Variants in CLPTM1L observed in about 807,000 individuals in gnomAD.
CLPTM1L encodes the protein lipid scramblase CLPTM1L.
Under a neutral mutation model 70.9 loss-of-function variants are expected in CLPTM1L, and 38 were observed. That is an observed-to-expected ratio of 0.54 (90% CI 0.41 to 0.70). CLPTM1L has a LOEUF of 0.70. Ranked by LOEUF, CLPTM1L falls within the 30% of genes least tolerant of loss-of-function variation. The pLI, the probability that CLPTM1L is intolerant of heterozygous loss-of-function variation, is 0.00. For missense variants in CLPTM1L, 652 were observed against 705.9 expected, an observed-to-expected ratio of 0.92 and a Z score of 0.87; for synonymous variants, 339 against 299.9, an observed-to-expected ratio of 1.13 and a Z score of -1.35.
intron 10 of CLPTM1L, 70 bp from the exon 11 acceptor site, chr5:1,324,883 A>C: frequency 2.1e-6 from 3 of 1,418,208 alleles, no homozygotes; most frequent in Non-Finnish European, 3.0e-6. Flanking sequence ...AGCTGTGACT[A>C]AGGGGCGTCA....
At position 1,331,855 on chromosome 5, in the gene CLPTM1L, T is replaced by C; in HGVS notation, c.920A>G (p.Asn307Ser). Residue 307 changes from asparagine to serine, a missense_variant, in exon 8 of 17, where the codon AAT (asparagine) becomes AGT (serine). Transcript: ENST00000320895. ...CTTCTTCTTCCAGAAACTGATGTCA[T>C]TTTTAAAGGCCAGGAAATCAAAGAG... ...HLLFDFLAFK[N>S]DISFWKKKKS... 1 of 1,613,424 alleles carries C rather than the reference T, an allele frequency of 6.2e-7. No homozygotes were observed. Among genetic ancestry groups the C allele is most frequent in the South Asian group, 1.1e-5 (1 of 91,078 alleles).
intron 16 of CLPTM1L, among the ~76,000 whole-genome samples, chr5:1,319,001 C>T (rs1751994002): frequency 6.6e-6 from 1 of 152,216 alleles, no homozygotes; most frequent in Admixed American, 6.5e-5. Flanking sequence ...ACCTGCTGCC[C>T]ACCAAGGGCC....
At chr5:1,331,977 G>T in intron 7 of CLPTM1L, 94 bp from the exon 8 acceptor site, 1 of 1,002,384 alleles carries the variant, frequency 1.0e-6, no homozygotes. Context: ...CCGTGAGACT[G>T]CAGGTGTACT....
chr5:1,331,965 G>A, intron 7 of CLPTM1L, 82 bp from the exon 8 acceptor site: 4 of 1,106,542 alleles, frequency 3.6e-6, no homozygotes, highest in African/African-American at 3.1e-5. Flanking sequence ...CTTCGTGTGT[G>A]ACCGTGAGAC....
intron 14 of CLPTM1L, 42 bp from the exon 15 acceptor site, chr5:1,321,721 C>T (rs746802868): frequency 5.0e-6 from 8 of 1,613,934 alleles, no homozygotes; most frequent in Non-Finnish European, 6.8e-6. Context: ...GTGGGCAGCA[C>T]AGGAGACGGG....
chr5:1,328,856 T>TCATCCAGCTCCTCCTCTACAGGCACATTC (rs1752852348), intron 9 of CLPTM1L, among the ~76,000 whole-genome samples: 1 of 143,568 alleles, frequency 7.0e-6, no homozygotes, highest in East Asian at 2.0e-4. Flanking sequence ...CAGACACATT[T>TCATCCAGCTCCTCCTCTACAGGCACATTC]CATCCAGCTC....
At chr5:1,321,893 G>A (rs562158062) in intron 13 of CLPTM1L, 74 bp from the exon 14 acceptor site, 59 of 1,398,074 alleles carry the variant, frequency 4.2e-5, no homozygotes, top group African/African-American at 3.1e-4. Context: ...CGGCACTCAC[G>A]AGGTGTGGAG....
Position 1,337,904 on chromosome 5 carries a change from C to T in CLPTM1L, c.678G>A (p.Met226Ile). 6.3e-7 allele frequency: 1 copy of T among 1,594,034 alleles called. No homozygotes were observed. Among genetic ancestry groups the T allele is most frequent in the Non-Finnish European group, 8.5e-7 (1 of 1,172,290 alleles). ...DQLSNRVKDL[M>I]VINRSTTELP... is the part of the protein sequence containing the mutation. ...ACCAGCGGGCAGAGGTGTCACTCAC[C>T]ATCAGGTCCTTCACGCGGTTGCTGA... is the stretch of plus-strand genomic sequence containing the variant. The change falls in exon 5 of 17, where the codon ATG becomes ATA. Residue 226 changes from methionine (M) to isoleucine (I), a missense_variant and splice_region_variant. This residue lies in a region of CLPTM1L where 402 missense variants were observed against 388.2 expected (regional missense o/e 1.04). Coordinates refer to ENST00000320895, the MANE Select transcript of CLPTM1L (RefSeq NM_030782.5).
chr5:1,325,219 C>T (rs191251985), intron 10 of CLPTM1L: 339 of 269,094 alleles, frequency 1.3e-3, no homozygotes, highest in Middle Eastern at 2.5e-3. Context: ...ACCCCCCTGC[C>T]CACAGCATGG....
Position 1,322,749 on chromosome 5 carries a change from G to C in CLPTM1L, c.1315+128C>G, listed in dbSNP as rs985689675. On this transcript the variant is annotated intron_variant, in intron 13 of 16. Transcript: ENST00000320895. Reference sequence around the variant, plus strand: ...AGCCCTGGGCACCGCACATGTGCCAGAACAGGGTGGGGAGGGATTAGCCTC... The same window carrying C: ...AGCCCTGGGCACCGCACATGTGCCACAACAGGGTGGGGAGGGATTAGCCTC... 46 of 955,722 alleles carry C rather than the reference G, an allele frequency of 4.8e-5. No homozygotes were observed. The South Asian group carries it at 5.7e-4, about 12-fold the overall frequency. The allele number at this position is 955,722 out of a possible 1,614,324, so 59.2% of individuals were successfully genotyped here.
chr5:1,333,789 T>C (rs1753355756), intron 7 of CLPTM1L, among the ~76,000 whole-genome samples: 3 of 151,598 alleles, frequency 2.0e-5, no homozygotes, highest in Non-Finnish European at 4.4e-5. Flanking sequence ...GGGGGACTAC[T>C]GTATACACAT....
chr5:1,331,393 C>T (rs1376669917), intron 8 of CLPTM1L: 6 of 240,694 alleles, frequency 2.5e-5, no homozygotes, highest in South Asian at 8.5e-5. Flanking sequence ...CTGCGCTGGT[C>T]GGGGAAGGAA....
At chr5:1,343,949 C>T (rs946282901) in intron 2 of CLPTM1L, among the ~76,000 whole-genome samples, 1 of 152,236 alleles carries the variant, frequency 6.6e-6, no homozygotes, top group Non-Finnish European at 1.5e-5. Flanking sequence ...AAAATTGCTT[C>T]CTCTATCCTC....
At chr5:1,341,967 A>C in intron 2 of CLPTM1L, 107 bp from the exon 3 acceptor site, 1 of 899,610 alleles carries the variant, frequency 1.1e-6, no homozygotes. Context: ...TTTAGCTCAG[A>C]AGTACTAAAA....
chr5:1,332,989 G>A (rs112895947), intron 7 of CLPTM1L, among the ~76,000 whole-genome samples: 7 of 127,284 alleles, frequency 5.5e-5, no homozygotes, highest in Non-Finnish European at 1.0e-4. Flanking sequence ...GTATACACAC[G>A]GGATGAGGAT....
intron 13 of CLPTM1L, among the ~76,000 whole-genome samples, chr5:1,322,373 C>T (rs1403034482): frequency 6.6e-6 from 1 of 152,210 alleles, no homozygotes; most frequent in African/African-American, 2.4e-5. Context: ...GACATGTGGC[C>T]CCGAGCACAG....
intron 7 of CLPTM1L, among the ~76,000 whole-genome samples, chr5:1,334,000 G>C (rs1177095998): frequency 6.6e-6 from 1 of 152,142 alleles, no homozygotes; most frequent in Non-Finnish European, 1.5e-5. Context: ...ACTGCTCAGA[G>C]TACCCTGGAT....
intron 10 of CLPTM1L, chr5:1,325,035 G>T: frequency 1.7e-6 from 1 of 597,056 alleles, no homozygotes; most frequent in Non-Finnish European, 3.0e-6. Flanking sequence ...CCTGATGGGG[G>T]CAACGCGGCC....
chr5:1,338,831 C>G (rs145742477), intron 4 of CLPTM1L, 29 bp downstream of exon 4: 9 of 1,611,542 alleles, frequency 5.6e-6, no homozygotes, highest in South Asian at 1.1e-5. Flanking sequence ...ACCCTCCCCC[C>G]GGCGCTCCAG....
Sources: allele counts gnomAD v4.1 joint callset (sites outside exome capture counted in the v4.1 genomes callset), GRCh38; gene constraint gnomAD v4.1.1; regional missense constraint gnomAD v4.1.1; transcripts MANE v1.5; gene names NCBI Gene and HGNC (gene_info 2026-07-23, HGNC 2026-07-21).